Variants in SLC1A1 observed in about 807,000 individuals in gnomAD.
The protein encoded by SLC1A1 is excitatory amino acid transporter 3.
A neutral mutation model predicts 53.3 loss-of-function variants in SLC1A1; 43 were observed. That is an observed-to-expected ratio of 0.81 (90% CI 0.63 to 1.04). The LOEUF (loss-of-function observed/expected upper bound fraction) is 1.04. SLC1A1 is among the 50% of genes least tolerant of loss of function. The probability of loss-of-function intolerance (pLI) is 0.00; values close to 1 mark genes in which losing one functional copy is unlikely to be tolerated. For synonymous variants in SLC1A1, 307 were observed against 243.2 expected (o/e 1.26, Z -2.44); for missense variants, 748 against 664.9 (o/e 1.12, Z -1.37).
At chr9:4,572,024 G>C (rs866432142) in intron 6 of SLC1A1, among the ~76,000 whole-genome samples, 180 bp from the exon 7 acceptor site, 2 of 152,134 alleles carry the variant, frequency 1.3e-5, no homozygotes, top group Non-Finnish European at 2.9e-5. Context: ...CAAGGGTAAA[G>C]TTTGTTACAT....
At chr9:4,502,085 T>G (rs1187999610) in intron 1 of SLC1A1, among the ~76,000 whole-genome samples, 4 of 151,494 alleles carry the variant, frequency 2.6e-5, no homozygotes, top group African/African-American at 4.9e-5. Flanking sequence ...AGGTTTCATT[T>G]AAGATTTCCC....
chr9:4,555,001 C>T (rs1818243789), intron 2 of SLC1A1, among the ~76,000 whole-genome samples: 1 of 152,232 alleles, frequency 6.6e-6, no homozygotes, highest in Admixed American at 6.5e-5. Context: ...ATCCTCACAA[C>T]AGCTACGCAA....
chr9:4,566,294 A>T (rs1016069803), intron 5 of SLC1A1, among the ~76,000 whole-genome samples: 3 of 152,202 alleles, frequency 2.0e-5, no homozygotes, highest in Non-Finnish European at 4.4e-5. Context: ...GTCACAATTT[A>T]CACTGCTTCC....
At chr9:4,574,404 T>C (rs1250310090) in intron 8 of SLC1A1, among the ~76,000 whole-genome samples, 1 of 152,112 alleles carries the variant, frequency 6.6e-6, no homozygotes, top group Non-Finnish European at 1.5e-5. Context: ...TGAAAGAAAT[T>C]AGCAAGGGCC....
intron 1 of SLC1A1, among the ~76,000 whole-genome samples, chr9:4,507,035 T>C (rs967915337): frequency 6.6e-6 from 1 of 152,122 alleles, no homozygotes; most frequent in Admixed American, 6.5e-5. Flanking sequence ...ATGGAGACCA[T>C]CCTGGATAAC....
intron 1 of SLC1A1, among the ~76,000 whole-genome samples, chr9:4,534,635 A>G (rs1371796251): frequency 2.0e-5 from 3 of 152,026 alleles, no homozygotes; most frequent in African/African-American, 7.2e-5. Context: ...CCAGAGGTAC[A>G]AGGAGGTGCT....
chr9:4,571,450 C>T lies in SLC1A1; in HGVS notation c.583-754C>T, dbSNP rs140877418. 2.2e-4 allele frequency among the ~76,000 whole-genome samples: 33 copies of T among 152,144 alleles called. No homozygotes were observed. In the East Asian group the frequency reaches 4.4e-3, roughly 20 times the overall value. ...CAGCACTTTGAGAGGCTGAGGTGGG[C>T]GGATCACCTGAGGTCAGGAGTTCGA... On this transcript the variant is annotated intron_variant, in intron 6 of 11. Coordinates refer to ENST00000262352, the MANE Select transcript of SLC1A1 (RefSeq NM_004170.6).
At chr9:4,503,855 T>C (rs1432974244) in intron 1 of SLC1A1, among the ~76,000 whole-genome samples, 1 of 148,664 alleles carries the variant, frequency 6.7e-6, no homozygotes. Flanking sequence ...CACTGAAGAA[T>C]TAAAACAGGT....
Position 4,490,588 on chromosome 9 carries a change from C to T in SLC1A1, c.-92C>T. 3 of 998,906 alleles carry T rather than the reference C, an allele frequency of 3.0e-6. No homozygotes were observed. The highest frequency in any genetic ancestry group is 4.6e-6 in the Non-Finnish European group (3 of 647,438). 61.9% of individuals were successfully genotyped at this position (998,906 alleles called of 1,614,324 possible). ...CTCTCACCTCTCCCCTGTGCACCCGCATCTCGCCGCGCCGCCGAGCAGCCA... is the reference window on the plus strand; with the variant it reads ...CTCTCACCTCTCCCCTGTGCACCCGTATCTCGCCGCGCCGCCGAGCAGCCA... On this transcript the variant is annotated 5_prime_UTR_variant, in exon 1 of 12. Transcript: ENST00000262352.
intron 1 of SLC1A1, 65 bp downstream of exon 1, chr9:4,490,835 C>A: frequency 1.4e-6 from 2 of 1,388,570 alleles, no homozygotes; most frequent in Non-Finnish European, 2.0e-6. Flanking sequence ...AGGCCGCGTG[C>A]GGCTGAGGGT....
chr9:4,544,742 C>T, intron 2 of SLC1A1, 35 bp downstream of exon 2: 1 of 1,557,996 alleles, frequency 6.4e-7, no homozygotes. Context: ...CTATATTAGT[C>T]CATTTTCATA....
At chr9:4,545,189 G>GTCTCTCTCTCTCTCTCTC (rs6150901) in intron 2 of SLC1A1, among the ~76,000 whole-genome samples, 8,249 of 130,630 alleles carry the variant, frequency 0.063, 418 homozygotes, top group Non-Finnish European at 0.074. Flanking sequence ...TACATTAGAT[G>GTCTCTCTCTCTCTCTCTC]TCTCTCTCTC....
chr9:4,561,564 T>C, intron 3 of SLC1A1, 23 bp downstream of exon 3: 1 of 1,327,906 alleles, frequency 7.5e-7, no homozygotes, highest in Non-Finnish European at 1.1e-6. Flanking sequence ...TCTGAATCCT[T>C]ACTACTTTAT....
Position 4,576,509 on chromosome 9 carries a change from A to T in SLC1A1, c.999-60A>T, listed in dbSNP as rs968820336. On this transcript the variant is annotated intron_variant, in intron 9 of 11. Coordinates refer to ENST00000262352, the MANE Select transcript of SLC1A1 (RefSeq NM_004170.6). Reference sequence around the variant, plus strand: ...CTTTTTGGAAGACAGGCATGTCTTCAGGCAGGGACTAAGGTCCAGCATTTC... The same window carrying T: ...CTTTTTGGAAGACAGGCATGTCTTCTGGCAGGGACTAAGGTCCAGCATTTC... The T allele has an allele frequency of 2.2e-6, 3 of 1,394,836 alleles. No homozygotes were observed. In the African/African-American group the frequency reaches 4.3e-5, roughly 20 times the overall value. The allele number at this position is 1,394,836 out of a possible 1,614,324, so 86.4% of individuals were successfully genotyped here.
chr9:4,561,646 A>G (rs1818952831), intron 3 of SLC1A1, 105 bp downstream of exon 3: 8 of 794,176 alleles, frequency 1.0e-5, no homozygotes, highest in Admixed American at 1.7e-5. Context: ...AATCTCAGAA[A>G]TCTGGGAGGC....
intron 6 of SLC1A1, among the ~76,000 whole-genome samples, chr9:4,569,837 G>A (rs1270579346): frequency 1.3e-5 from 2 of 152,098 alleles, no homozygotes; most frequent in Admixed American, 6.5e-5. Flanking sequence ...AATACTTTCT[G>A]AGCACCCTCT....
At chr9:4,576,191 C>G in intron 9 of SLC1A1, 68 bp downstream of exon 9, 2 of 1,486,930 alleles carry the variant, frequency 1.3e-6, no homozygotes, top group South Asian at 2.3e-5. Context: ...CCTCACTTTA[C>G]AAAACAGACT....
chr9:4,571,818 T>A (rs568006720), intron 6 of SLC1A1, among the ~76,000 whole-genome samples: 6 of 152,248 alleles, frequency 3.9e-5, no homozygotes, highest in Non-Finnish European at 8.8e-5. Context: ...AAGTATTCTG[T>A]ACTTCCTGCA....
chr9:4,562,093 G>A (rs1433954331), intron 3 of SLC1A1, among the ~76,000 whole-genome samples: 1 of 138,448 alleles, frequency 7.2e-6, no homozygotes, highest in Non-Finnish European at 1.5e-5. Flanking sequence ...TTTTTCAAGA[G>A]GGAGTCTCAC....
Sources: gnomAD v4.1 joint callset for allele counts (sites outside exome capture counted in the v4.1 genomes callset) on GRCh38, gnomAD v4.1.1 for gene constraint, MANE v1.5 for transcripts, NCBI Gene and HGNC (gene_info 2026-07-23, HGNC 2026-07-21) for gene names.